Variants in PLK4 observed in about 807,000 individuals in gnomAD.
The protein encoded by PLK4 is serine/threonine-protein kinase PLK4.
A neutral mutation model predicts 103.0 loss-of-function variants in PLK4; 51 were observed. The ratio of observed to expected loss-of-function variants is 0.50; its 90% CI spans 0.40 to 0.63. The LOEUF (loss-of-function observed/expected upper bound fraction) is 0.63, where lower values mean the gene tolerates loss of function less well. Ranked by LOEUF, PLK4 falls within the 20% of genes least tolerant of loss-of-function variation. The probability of loss-of-function intolerance (pLI) is 0.00; values close to 1 mark genes in which losing one functional copy is unlikely to be tolerated. For synonymous variants in PLK4, 389 were observed against 376.8 expected (o/e 1.03, Z -0.38); for missense variants, 1,054 against 1,151.0 (o/e 0.92, Z 1.22).
chr4:127,894,230 A>G (rs774944847), intron 13 of PLK4, among the ~76,000 whole-genome samples: 6 of 151,858 alleles, frequency 4.0e-5, no homozygotes, highest in Non-Finnish European at 5.9e-5. Flanking sequence ...ACATATACAT[A>G]TGTAGTTTTT....
rs1735362568 is a variant in PLK4, at chr4:127,891,609, G to A, written c.1966G>A (p.Gly656Ser). ...TATTTATTATCCAAATGGTGGTAGAGGTTTTCCTCTTGCTGATAGACCACC... is the reference window on the plus strand; with the variant it reads ...TATTTATTATCCAAATGGTGGTAGAAGTTTTCCTCTTGCTGATAGACCACC... ...ITIYYPNGGR[G>S]FPLADRPPSP... Residue 656 changes from glycine to serine, a missense_variant, in exon 9 of 16, where the codon GGT becomes AGT. Transcript: ENST00000270861. 1.3e-6 allele frequency: 2 copies of A among 1,552,316 alleles called. No individual in the cohort carries two copies. Among genetic ancestry groups the A allele is most frequent in the Non-Finnish European group, 1.8e-6 (2 of 1,142,702 alleles).
intron 9 of PLK4, 41 bp downstream of exon 9, chr4:127,891,722 T>C (rs1408313624): frequency 1.2e-5 from 9 of 725,028 alleles, no homozygotes; most frequent in Non-Finnish European, 2.0e-5. Context: ...ATAGTAGATT[T>C]ATATGTATAT....
At chr4:127,896,108 GT>G (rs1735557206) in intron 14 of PLK4, among the ~76,000 whole-genome samples, 1 of 152,150 alleles carries the variant, frequency 6.6e-6, no homozygotes, top group Admixed American at 6.5e-5. Flanking sequence ...TACCTACCAT[GT>G]TTTTCACATA....
chr4:127,888,654 T>G (rs1735236730), intron 6 of PLK4, among the ~76,000 whole-genome samples: 1 of 152,194 alleles, frequency 6.6e-6, no homozygotes, highest in South Asian at 2.1e-4. Flanking sequence ...GTCATGTTGT[T>G]TATAATACAG....
Position 127,886,743 on chromosome 4 carries a change from A to T in PLK4, c.1358+15A>T. The T allele has an allele frequency of 6.5e-7, 1 of 1,535,506 alleles. No homozygotes were observed. Among genetic ancestry groups the T allele is most frequent in the Non-Finnish European group, 8.8e-7 (1 of 1,136,582 alleles). On this transcript the variant is annotated intron_variant, in intron 5 of 15. Transcript: ENST00000270861. ...AATCAAGCACTGTAAGAATAATTCT[A>T]TCAGAGGCATTTTGTTTTTTGGTAA...
intron 15 of PLK4, among the ~76,000 whole-genome samples, chr4:127,898,083 C>G (rs866434916): frequency 2.0e-5 from 3 of 151,780 alleles, no homozygotes; most frequent in Non-Finnish European, 4.4e-5. Flanking sequence ...TAATCCACCC[C>G]CCTTGGCCTC....
At position 127,891,116 on chromosome 4, in the gene PLK4, G is replaced by T. The variant is rs200696964; in HGVS notation, c.1855G>T (p.Val619Leu). The stretch of plus-strand genomic sequence containing the variant: ...GGTGAGCATACTTGATTCAGAGGAG[G>T]TGTGTGTGGAGCTTGTAAAGGAGTA... ...AVVSILDSEE[V>L]CVELVKEYAS... The change falls in exon 8 of 16, where the codon GTG becomes TTG. Residue 619 changes from valine (V) to leucine (L), a missense_variant. Val to Leu is a conservative substitution (Grantham distance 32, BLOSUM62 1). Coordinates refer to ENST00000270861, the MANE Select transcript of PLK4 (RefSeq NM_014264.5). 198 of 1,588,112 alleles carry T rather than the reference G, an allele frequency of 1.2e-4. No individual in the cohort carries two copies. The highest frequency in any genetic ancestry group is 1.6e-4 in the Non-Finnish European group (189 of 1,162,728).
In PLK4 at chr4:127,886,462, A is replaced by G; in HGVS notation, c.1092A>G (p.Ala364=). The change falls in exon 5 of 16, where the codon GCA becomes GCG. Residue 364 remains alanine (A), a synonymous_variant. Coordinates refer to ENST00000270861, the MANE Select transcript of PLK4 (RefSeq NM_014264.5). The stretch of plus-strand genomic sequence containing the variant: ...GAAGGGGAAGAGTAATTCAAGATGC[A>G]GAAGAAAGGCCACATTCTCGATACC... ...NSGRGRVIQD[A]EERPHSRYLR... is the part of the protein sequence containing the mutation. The G allele has an allele frequency of 6.2e-7, 1 of 1,614,142 alleles. No individual in the cohort carries two copies. The highest frequency in any genetic ancestry group is 8.5e-7 in the Non-Finnish European group (1 of 1,179,962).
chr4:127,885,882 T>C lies in PLK4; in HGVS notation c.512T>C (p.Leu171Ser). 2.5e-6 allele frequency: 4 copies of C among 1,614,108 alleles called. No individual in the cohort carries two copies. The highest frequency in any genetic ancestry group is 3.4e-6 in the Non-Finnish European group (4 of 1,179,974). Reference protein sequence around the residue: ...LKMPHEKHYTLCGTPNYISPE... With the variant: ...LKMPHEKHYTSCGTPNYISPE... ...ATGCCACATGAAAAGCACTATACAT[T>C]ATGTGGAACTCCTAACTACATTTCA... is the stretch of plus-strand genomic sequence containing the variant. The change falls in exon 5 of 16, where the codon TTA becomes TCA. Residue 171 changes from leucine to serine, a missense_variant. This residue lies in a region of PLK4 where 199 missense variants were observed against 270.1 expected (regional missense o/e 0.74). Transcript: ENST00000270861.
In PLK4 at chr4:127,893,303, CAG is replaced by C. The variant is rs774505771; in HGVS notation, c.2209_2210del (p.Glu737ArgfsTer7). ...TTTTTAGGGGTAAAAATACACAAAA[CAG>C]AAGATTTCATTCAGGTGATTGAAAA... is the stretch of plus-strand genomic sequence containing the variant. On this transcript the variant is annotated frameshift_variant, in exon 11 of 16. Coordinates refer to ENST00000270861, the MANE Select transcript of PLK4 (RefSeq NM_014264.5). LOFTEE classifies it high-confidence loss of function. 7.0e-6 allele frequency: 11 copies of C among 1,573,252 alleles called. No homozygotes were observed. The highest frequency in any genetic ancestry group is 2.3e-5 in the South Asian group (2 of 85,600).
At chr4:127,882,712 C>T (rs528149879) in intron 2 of PLK4, among the ~76,000 whole-genome samples, 3 of 152,040 alleles carry the variant, frequency 2.0e-5, no homozygotes, top group South Asian at 2.1e-4. Flanking sequence ...GAGCTGAGAT[C>T]GCGCCATTGC....
intron 5 of PLK4, among the ~76,000 whole-genome samples, chr4:127,887,039 C>T (rs1429767370): frequency 6.6e-6 from 1 of 152,080 alleles, no homozygotes; most frequent in Non-Finnish European, 1.5e-5. Flanking sequence ...TAACTGTATA[C>T]ATAGATAGAA....
At chr4:127,894,713 A>G (rs1317138556) in intron 13 of PLK4, among the ~76,000 whole-genome samples, 1 of 152,190 alleles carries the variant, frequency 6.6e-6, no homozygotes, top group Non-Finnish European at 1.5e-5. Flanking sequence ...CAAAAAGAAC[A>G]TGCCATGGGA....
chr4:127,891,982 T>G (rs946345889), intron 9 of PLK4: 6 of 215,076 alleles, frequency 2.8e-5, no homozygotes, highest in African/African-American at 1.4e-4. Flanking sequence ...TTAAAAAAAA[T>G]TCAACATTGT....
At chr4:127,886,775 A>T in intron 5 of PLK4, 47 bp downstream of exon 5, 1 of 1,182,860 alleles carries the variant, frequency 8.5e-7, no homozygotes, top group South Asian at 1.5e-5. Context: ...GTAACATTAT[A>T]CTAGTATAAA....
intron 6 of PLK4, 51 bp from the exon 7 acceptor site, chr4:127,889,815 A>C: frequency 7.6e-7 from 1 of 1,323,716 alleles, no homozygotes; most frequent in Non-Finnish European, 1.0e-6. Context: ...TTTTGTGTCG[A>C]CTTGTGTTTT....
chr4:127,890,373 A>G (rs1735309519), intron 7 of PLK4, 137 bp downstream of exon 7: 1 of 537,944 alleles, frequency 1.9e-6, no homozygotes, highest in African/African-American at 1.9e-5. Context: ...AAGAGAAAAG[A>G]GACTGGGTGT....
In PLK4 at chr4:127,880,984, A is replaced by T; in HGVS notation, c.-151A>T. The T allele has an allele frequency of 1.2e-6, 1 of 809,500 alleles. No individual in the cohort carries two copies. The highest frequency in any genetic ancestry group is 2.6e-5 in the East Asian group (1 of 37,808). 50.1% of individuals were successfully genotyped at this position (809,500 alleles called of 1,614,324 possible). On this transcript the variant is annotated 5_prime_UTR_variant, in exon 1 of 16. Transcript: ENST00000270861. ...CAGGCCTCGGAAGGTGTCAGGGAGA[A>T]CTTTCCGTGGTTTCAGCGTCGTCGC...
intron 4 of PLK4, among the ~76,000 whole-genome samples, chr4:127,884,881 A>C (rs934139852): frequency 6.6e-6 from 1 of 151,870 alleles, no homozygotes; most frequent in African/African-American, 2.4e-5. Context: ...CAGAGATTGC[A>C]GTGAACTGAG....
Sources: allele counts gnomAD v4.1 joint callset (sites outside exome capture counted in the v4.1 genomes callset), GRCh38; gene constraint gnomAD v4.1.1; regional missense constraint gnomAD v4.1.1; transcripts MANE v1.5; gene names NCBI Gene and HGNC (gene_info 2026-07-23, HGNC 2026-07-21).